SLC26A7: variants seen among roughly 807,000 people sequenced by gnomAD.
SLC26A7 encodes the protein anion exchange transporter.
Under a neutral mutation model 82.5 loss-of-function variants are expected in SLC26A7, and 59 were observed. That is an observed-to-expected ratio of 0.72 (90% CI 0.58 to 0.89). SLC26A7 has a LOEUF of 0.89. SLC26A7 is among the 40% of genes least tolerant of loss of function. The pLI, the probability that SLC26A7 is intolerant of heterozygous loss-of-function variation, is 0.00. For synonymous variants in SLC26A7, 271 were observed against 274.3 expected (o/e 0.99, Z 0.12); for missense variants, 820 against 793.0 (o/e 1.03, Z -0.41).
chr8:91,258,526 C>A (rs1810870372), intron 2 of SLC26A7, among the ~76,000 whole-genome samples: 1 of 152,006 alleles, frequency 6.6e-6, no homozygotes, highest in Non-Finnish European at 1.5e-5. Context: ...GTCTAATACA[C>A]CTGATGCCCA....
At chr8:91,314,762 G>A (rs949537407) in intron 4 of SLC26A7, among the ~76,000 whole-genome samples, 2 of 152,138 alleles carry the variant, frequency 1.3e-5, no homozygotes, top group Non-Finnish European at 2.9e-5. Context: ...TTTTTTAAAA[G>A]TATAATAATG....
intron 2 of SLC26A7, among the ~76,000 whole-genome samples, chr8:91,263,352 CT>C (rs1297162077): frequency 6.6e-6 from 1 of 151,938 alleles, no homozygotes; most frequent in African/African-American, 2.4e-5. Context: ...ACTTTATAGC[CT>C]TGGTTCTTTA....
chr8:91,279,539 T>A (rs890001491), intron 2 of SLC26A7, among the ~76,000 whole-genome samples: 1 of 152,098 alleles, frequency 6.6e-6, no homozygotes, highest in African/African-American at 2.4e-5. Flanking sequence ...ATTTCCCTAA[T>A]GATTAGTGTT....
At chr8:91,269,202 T>C (rs536533213) in intron 2 of SLC26A7, among the ~76,000 whole-genome samples, 1 of 152,200 alleles carries the variant, frequency 6.6e-6, no homozygotes, top group South Asian at 2.1e-4. Flanking sequence ...TTTTTGAAGT[T>C]TTTTTGTTAC....
At chr8:91,378,358 T>A (rs932165806) in intron 15 of SLC26A7, among the ~76,000 whole-genome samples, 1 of 147,232 alleles carries the variant, frequency 6.8e-6, no homozygotes, top group African/African-American at 2.5e-5. Context: ...TACATTATAA[T>A]GTATAATTAT....
chr8:91,277,548 A>C (rs892908709), intron 2 of SLC26A7, among the ~76,000 whole-genome samples: 5 of 152,236 alleles, frequency 3.3e-5, no homozygotes, highest in Admixed American at 6.5e-5. Context: ...ATATGTTTAC[A>C]ATCTGGCTAA....
chr8:91,300,498 C>T (rs575858184), intron 4 of SLC26A7, among the ~76,000 whole-genome samples: 236 of 151,406 alleles, frequency 1.6e-3, no homozygotes, highest in Non-Finnish European at 2.6e-3. Flanking sequence ...CCCGGGTTCA[C>T]GCCATTCTCC....
intron 4 of SLC26A7, among the ~76,000 whole-genome samples, chr8:91,308,188 G>A (rs1429412628): frequency 6.6e-6 from 1 of 151,718 alleles, no homozygotes; most frequent in East Asian, 1.9e-4. Flanking sequence ...CCTCAATCGG[G>A]ATATGTTTGA....
chr8:91,362,220 T>C, intron 11 of SLC26A7, 133 bp from the exon 12 acceptor site: 1 of 597,306 alleles, frequency 1.7e-6, no homozygotes, highest in Non-Finnish European at 2.9e-6. Context: ...GTTTACCACT[T>C]GTTAAATAAT....
At chr8:91,362,308 G>T in intron 11 of SLC26A7, 45 bp from the exon 12 acceptor site, 1 of 1,446,596 alleles carries the variant, frequency 6.9e-7, no homozygotes, top group South Asian at 1.2e-5. Context: ...GAGAAGAAGT[G>T]AATTCCAAAG....
At chr8:91,281,700 T>C (rs1261262062) in intron 2 of SLC26A7, among the ~76,000 whole-genome samples, 1 of 152,142 alleles carries the variant, frequency 6.6e-6, no homozygotes, top group East Asian at 1.9e-4. Flanking sequence ...CCCACATCTT[T>C]TCTTTCTTCT....
intron 5 of SLC26A7, among the ~76,000 whole-genome samples, chr8:91,318,767 C>T (rs1812711677): frequency 6.6e-6 from 1 of 152,164 alleles, no homozygotes; most frequent in African/African-American, 2.4e-5. Context: ...TGGATTAAAT[C>T]AGAGGCCTGG....
intron 9 of SLC26A7, chr8:91,344,053 A>T (rs542004349): frequency 2.0e-6 from 2 of 984,924 alleles, no homozygotes; most frequent in East Asian, 1.1e-4. Flanking sequence ...AATCATAATG[A>T]TGAAGATGTT....
At chr8:91,366,285 T>C (rs924746060) in intron 13 of SLC26A7, among the ~76,000 whole-genome samples, 1 of 152,186 alleles carries the variant, frequency 6.6e-6, no homozygotes, top group Non-Finnish European at 1.5e-5. Flanking sequence ...TAGGACTTCC[T>C]GGAACTCTTT....
intron 2 of SLC26A7, among the ~76,000 whole-genome samples, chr8:91,266,934 G>GT (rs1253605639): frequency 6.6e-6 from 1 of 151,818 alleles, no homozygotes; most frequent in Non-Finnish European, 1.5e-5. Context: ...ATTGTTGAGA[G>GT]TTTTTGTCAT....
At chr8:91,230,986 T>C (rs920606829) in intron 2 of SLC26A7, among the ~76,000 whole-genome samples, 4 of 151,746 alleles carry the variant, frequency 2.6e-5, no homozygotes, top group Non-Finnish European at 5.9e-5. Context: ...ATCAACTTAC[T>C]ATGCATCAAA....
chr8:91,269,492 GA>G (rs1373879014), intron 2 of SLC26A7, among the ~76,000 whole-genome samples: 1 of 151,948 alleles, frequency 6.6e-6, no homozygotes, highest in Non-Finnish European at 1.5e-5. Context: ...TAAATTTTTT[GA>G]AAGCCATATT....
chr8:91,330,477 G>T (rs2130824931), intron 5 of SLC26A7, among the ~76,000 whole-genome samples: 1 of 152,236 alleles, frequency 6.6e-6, no homozygotes, highest in South Asian at 2.1e-4. Flanking sequence ...ATTTTGAGTT[G>T]TGGTCAAATT....
At position 91,242,325 on chromosome 8, in the gene SLC26A7, A is replaced by G. The variant is rs1207056019; in HGVS notation, c.-33-7294A>G. Among the ~76,000 whole-genome samples, 3 of 152,342 alleles carry G rather than the reference A, an allele frequency of 2.0e-5. No individual in the cohort carries two copies. In the East Asian group the frequency reaches 5.8e-4, roughly 29 times the overall value. On this transcript the variant is annotated intron_variant, in intron 2 of 5. Coordinates refer to the SLC26A7 transcript ENST00000522862. ...AAAAATTCCATTTGATTGTTCTCAAATAATGCCTACTAAGGAATAAATTTT... is the reference window on the plus strand; with the variant it reads ...AAAAATTCCATTTGATTGTTCTCAAGTAATGCCTACTAAGGAATAAATTTT...
Sources: gnomAD v4.1 joint callset for allele counts (sites outside exome capture counted in the v4.1 genomes callset) on GRCh38, gnomAD v4.1.1 for gene constraint, MANE v1.5 for transcripts, NCBI Gene and HGNC (gene_info 2026-07-23, HGNC 2026-07-21) for gene names.